The following DLGAP1 variants were observed in gnomAD, a reference collection of about 807,000 sequenced individuals.
The protein encoded by DLGAP1 is disks large-associated protein 1.
In DLGAP1, 11 loss-of-function variants were observed where a neutral mutation model predicts 90.8. That is an observed-to-expected ratio of 0.12 (90% confidence interval 0.08 to 0.20). The LOEUF (loss-of-function observed/expected upper bound fraction) is 0.20, where lower values mean the gene tolerates loss of function less well. DLGAP1 is among the 10% of genes least tolerant of loss of function. The probability of loss-of-function intolerance (pLI) is 1.00; values close to 1 mark genes in which losing one functional copy is unlikely to be tolerated. For missense variants in DLGAP1, 1,050 were observed against 1,333.8 expected, an observed-to-expected ratio of 0.79 and a Z score of 3.31; for synonymous variants, 558 against 540.7, an observed-to-expected ratio of 1.03 and a Z score of -0.44.
chr18:3,583,812 G>A (rs1055465440), intron 7 of DLGAP1, among the ~76,000 whole-genome samples: 8 of 152,208 alleles, frequency 5.3e-5, no homozygotes, highest in African/African-American at 1.9e-4. Context: ...GCCGGGTGTG[G>A]TGGTGCATGC....
rs778680685 is a variant in DLGAP1, at chr18:3,879,461, C to G, written c.608G>C (p.Ser203Thr). 1 of 1,606,528 alleles carries G rather than the reference C, an allele frequency of 6.2e-7. No homozygotes were observed. ...ARPSTSPGWW[S>T]SDDNLDGDMC... is the part of the protein sequence containing the mutation. ...GTCACCATCCAGGTTGTCGTCCGAGCTCCACCAGCCCGGGGAGGTGCTGGG... is the reference window on the plus strand; with the variant it reads ...GTCACCATCCAGGTTGTCGTCCGAGGTCCACCAGCCCGGGGAGGTGCTGGG... Residue 203 changes from serine to threonine, a missense_variant, in exon 4 of 13, where the codon AGC becomes ACC. By Grantham distance (58) the Ser-to-Thr change is moderately conservative. Transcript: ENST00000315677. This position sits in a 1 kb window ranked among gnomAD's most constrained non-coding sequence, Gnocchi z 6.6.
At chr18:4,114,056 CTTTTT>C (rs58180172) in intron 2 of DLGAP1, among the ~76,000 whole-genome samples, 55,239 of 106,780 alleles carry the variant, frequency 0.52, 12,085 homozygotes, top group African/African-American at 0.62. Flanking sequence ...ATGCCTCTGG[CTTTTT>C]TTTTTTTTTT....
At chr18:3,572,436 A>ATTTGTTTG (rs146464414) in intron 8 of DLGAP1, among the ~76,000 whole-genome samples, 47,736 of 149,458 alleles carry the variant, frequency 0.32, 8,449 homozygotes, top group East Asian at 0.63. Flanking sequence ...TTATTTATTT[A>ATTTGTTTG]TTTGTTTGTT....
chr18:4,428,008 A>T (rs1042052204), intron 1 of DLGAP1, among the ~76,000 whole-genome samples: 2 of 152,220 alleles, frequency 1.3e-5, no homozygotes, highest in African/African-American at 4.8e-5. Context: ...AATTTCACTT[A>T]ACTTTGGGCA....
At chr18:3,516,638 A>G (rs1039488692) in intron 10 of DLGAP1, among the ~76,000 whole-genome samples, 2 of 152,218 alleles carry the variant, frequency 1.3e-5, no homozygotes, top group African/African-American at 2.4e-5. Flanking sequence ...ACAGTTCCAC[A>G]TGGCTGGGGA....
chr18:3,853,893 C>T (rs2069479587), intron 4 of DLGAP1, among the ~76,000 whole-genome samples: 1 of 152,186 alleles, frequency 6.6e-6, no homozygotes, highest in Non-Finnish European at 1.5e-5. Context: ...ATCCACGGCC[C>T]TTTTTTCATT....
chr18:3,921,839 T>C (rs2148912618), intron 3 of DLGAP1, among the ~76,000 whole-genome samples: 1 of 152,288 alleles, frequency 6.6e-6, no homozygotes, highest in Non-Finnish European at 1.5e-5. Flanking sequence ...TGTGCTAATA[T>C]CAGCTTTAAA....
At chr18:4,068,316 C>T (rs1357190150) in intron 2 of DLGAP1, among the ~76,000 whole-genome samples, 1 of 151,670 alleles carries the variant, frequency 6.6e-6, no homozygotes, top group Non-Finnish European at 1.5e-5. Flanking sequence ...AAATAATACA[C>T]TTTGTGTTTT....
chr18:3,845,233 T>G lies in DLGAP1; in HGVS notation c.958-30960A>C. On this transcript the variant is annotated intron_variant, in intron 4 of 12. Transcript: ENST00000315677. ...AGCCCAGAATTGCTATTAGCTTACC[T>G]TATTAGCTGGAATGCCAAACAGAAT... 1.9e-6 allele frequency: 3 copies of G among 1,612,988 alleles called. No homozygotes were observed. In the South Asian group the frequency reaches 3.3e-5, roughly 18 times the overall value.
chr18:3,645,810 G>A (rs1253366561), intron 7 of DLGAP1, among the ~76,000 whole-genome samples: 1 of 152,158 alleles, frequency 6.6e-6, no homozygotes, highest in East Asian at 1.9e-4. Flanking sequence ...CCCATGGCCT[G>A]GGATAGGGCA....
chr18:3,740,433 A>T (rs999851016), intron 6 of DLGAP1, among the ~76,000 whole-genome samples: 2 of 152,138 alleles, frequency 1.3e-5, no homozygotes, highest in African/African-American at 2.4e-5. Flanking sequence ...GCAAGGAAAC[A>T]CACGATGGGT....
intron 7 of DLGAP1, among the ~76,000 whole-genome samples, chr18:3,587,640 G>C (rs765957545): frequency 4.6e-5 from 7 of 152,076 alleles, no homozygotes; most frequent in Admixed American, 1.3e-4. Context: ...TTGTTCTTTC[G>C]CTCTTCACAA....
At chr18:3,791,633 A>T (rs960112164) in intron 5 of DLGAP1, among the ~76,000 whole-genome samples, 9 of 152,256 alleles carry the variant, frequency 5.9e-5, no homozygotes, top group African/African-American at 2.2e-4. Flanking sequence ...GATAATCATT[A>T]TGCAATACAT....
At chr18:4,266,877 C>T (rs551387215) in intron 1 of DLGAP1, among the ~76,000 whole-genome samples, 1 of 151,974 alleles carries the variant, frequency 6.6e-6, no homozygotes, top group South Asian at 2.1e-4. Context: ...CATTAGATAA[C>T]ATTTACAAGC....
intron 1 of DLGAP1, among the ~76,000 whole-genome samples, chr18:4,344,650 G>T (rs1310125771): frequency 6.6e-6 from 1 of 152,128 alleles, no homozygotes; most frequent in African/African-American, 2.4e-5. Context: ...CACATTATGT[G>T]CCAGGTCTGG....
chr18:4,014,125 G>A (rs929465605), intron 2 of DLGAP1, among the ~76,000 whole-genome samples: 12 of 131,098 alleles, frequency 9.2e-5, no homozygotes, highest in South Asian at 7.3e-4. Flanking sequence ...CACTCTTGTC[G>A]CCCAGGCTGG....
At chr18:3,963,955 G>A (rs900664372) in intron 3 of DLGAP1, among the ~76,000 whole-genome samples, 2 of 152,132 alleles carry the variant, frequency 1.3e-5, no homozygotes, top group African/African-American at 4.8e-5. Flanking sequence ...CTTAAACATA[G>A]CATTAAAGTT....
chr18:4,219,151 CTTT>C, intron 1 of DLGAP1, among the ~76,000 whole-genome samples: 1 of 142,250 alleles, frequency 7.0e-6, no homozygotes, highest in South Asian at 2.3e-4. Flanking sequence ...TATCTTTTGT[CTTT>C]TTGTTAATAG....
chr18:4,402,542 T>C (rs907927920), intron 1 of DLGAP1, among the ~76,000 whole-genome samples: 1 of 152,162 alleles, frequency 6.6e-6, no homozygotes, highest in Non-Finnish European at 1.5e-5. Context: ...ATGAGAACGA[T>C]TCAGACAGGG....
Sources: gnomAD v4.1 joint callset for allele counts (sites outside exome capture counted in the v4.1 genomes callset) on GRCh38, gnomAD v4.1.1 for gene constraint, Gnocchi (gnomAD v3.1) non-coding constraint, MANE v1.5 for transcripts, NCBI Gene and HGNC (gene_info 2026-07-23, HGNC 2026-07-21) for gene names.